The following PLXDC2 variants were observed in gnomAD, a reference collection of about 807,000 sequenced individuals.
The protein encoded by PLXDC2 is plexin domain-containing protein 2.
PLXDC2 carries 40 observed loss-of-function variants against 68.9 expected under a neutral mutation model. The ratio of observed to expected loss-of-function variants is 0.58; its 90% CI spans 0.45 to 0.76. The LOEUF is 0.76. PLXDC2 is among the 30% of genes least tolerant of loss of function. The pLI is 0.00. For missense variants in PLXDC2, 644 were observed against 661.9 expected, an observed-to-expected ratio of 0.97 and a Z score of 0.30; for synonymous variants, 243 against 234.2, an observed-to-expected ratio of 1.04 and a Z score of -0.34.
intron 13 of PLXDC2, among the ~76,000 whole-genome samples, chr10:20,246,889 G>A (rs547017324): frequency 6.6e-6 from 1 of 152,060 alleles, no homozygotes; most frequent in East Asian, 1.9e-4. Flanking sequence ...AATTACCTAT[G>A]CCACTTATAA....
rs138131268 is a variant in PLXDC2, at chr10:20,156,508, C to A, written c.784-7960C>A. ...ACTCAAAGTGTGCACCCTCCAATTT[C>A]TCCCTCATGAATTTCTTCTCTTACC... On this transcript the variant is annotated intron_variant, in intron 6 of 13. Transcript: ENST00000377252. Among the ~76,000 whole-genome samples the A allele has an allele frequency of 1.1e-3, 174 of 152,300 alleles. 2 individuals carry two copies. Among genetic ancestry groups the A allele is most frequent in the African/African-American group, 4.0e-3 (167 of 41,570 alleles).
intron 11 of PLXDC2, among the ~76,000 whole-genome samples, chr10:20,218,463 G>A (rs1036968037): frequency 2.6e-5 from 4 of 151,942 alleles, no homozygotes; most frequent in Admixed American, 6.6e-5. Flanking sequence ...TATTATTTTG[G>A]ATTATTATAT....
chr10:19,906,480 G>T (rs529268109), intron 1 of PLXDC2, among the ~76,000 whole-genome samples: 3 of 152,314 alleles, frequency 2.0e-5, no homozygotes, highest in East Asian at 3.9e-4. Context: ...AATACTTTTA[G>T]TGGATTCTGT....
intron 1 of PLXDC2, among the ~76,000 whole-genome samples, chr10:19,933,659 A>G: frequency 6.6e-6 from 1 of 151,754 alleles, no homozygotes; most frequent in Middle Eastern, 3.2e-3. Context: ...AACAACAAAC[A>G]AAACACACAC....
intron 1 of PLXDC2, among the ~76,000 whole-genome samples, chr10:19,859,697 T>C (rs777703046): frequency 8.5e-5 from 13 of 152,160 alleles, no homozygotes; most frequent in Non-Finnish European, 1.8e-4. Flanking sequence ...TTTTTAACTT[T>C]TTAAGATTCA....
chr10:20,077,548 T>C (rs769169161), intron 4 of PLXDC2, among the ~76,000 whole-genome samples: 1 of 152,154 alleles, frequency 6.6e-6, no homozygotes, highest in Non-Finnish European at 1.5e-5. Flanking sequence ...TACAGAGAGA[T>C]TTTCATTTAA....
At chr10:19,914,153 G>A (rs1306972806) in intron 1 of PLXDC2, among the ~76,000 whole-genome samples, 1 of 150,566 alleles carries the variant, frequency 6.6e-6, no homozygotes, top group East Asian at 1.9e-4. Context: ...AAGGAAGGAA[G>A]GAAGGAAAGA....
intron 1 of PLXDC2, among the ~76,000 whole-genome samples, chr10:19,938,716 A>T (rs1292829348): frequency 6.6e-6 from 1 of 152,204 alleles, no homozygotes; most frequent in African/African-American, 2.4e-5. Flanking sequence ...AGTTGTGGAT[A>T]GTCTTGAAAT....
chr10:20,206,596 A>C (rs1589680567), intron 9 of PLXDC2, among the ~76,000 whole-genome samples: 1 of 152,134 alleles, frequency 6.6e-6, no homozygotes, highest in South Asian at 2.1e-4. Context: ...CATGGGCTAC[A>C]GGAGTGAGCA....
At chr10:20,193,205 C>T (rs1431081710) in intron 9 of PLXDC2, among the ~76,000 whole-genome samples, 1 of 152,046 alleles carries the variant, frequency 6.6e-6, no homozygotes, top group Non-Finnish European at 1.5e-5. Context: ...TCTTGTGACA[C>T]AGACCATATG....
chr10:19,845,947 A>T (rs187356709), intron 1 of PLXDC2, among the ~76,000 whole-genome samples: 4 of 152,138 alleles, frequency 2.6e-5, no homozygotes, highest in Non-Finnish European at 4.4e-5. Flanking sequence ...TTAGTCTTCA[A>T]TCTGGTCCAG....
At chr10:20,269,284 C>T (rs1364078092) in intron 13 of PLXDC2, among the ~76,000 whole-genome samples, 2 of 149,618 alleles carry the variant, frequency 1.3e-5, no homozygotes, top group East Asian at 2.0e-4. Context: ...GCTTAGTATG[C>T]ATCTAAAGAC....
intron 1 of PLXDC2, among the ~76,000 whole-genome samples, chr10:19,933,880 G>A (rs549722159): frequency 4.7e-4 from 57 of 121,184 alleles, no homozygotes; most frequent in African/African-American, 1.4e-3. Flanking sequence ...GGGAGGGAGG[G>A]AAAAAAGGAA....
intron 1 of PLXDC2, among the ~76,000 whole-genome samples, chr10:19,967,061 CAGTT>C (rs1346315509): frequency 6.6e-6 from 1 of 152,200 alleles, no homozygotes; most frequent in African/African-American, 2.4e-5. Flanking sequence ...ATTTTATACT[CAGTT>C]GGAGCAGCCA....
At chr10:20,208,355 A>T (rs997354723) in intron 9 of PLXDC2, among the ~76,000 whole-genome samples, 1 of 152,140 alleles carries the variant, frequency 6.6e-6, no homozygotes, top group East Asian at 1.9e-4. Context: ...AAAAGGGGAA[A>T]CCCCATATAA....
chr10:20,027,872 T>G (rs957094837), intron 2 of PLXDC2, among the ~76,000 whole-genome samples: 1 of 152,148 alleles, frequency 6.6e-6, no homozygotes, highest in Non-Finnish European at 1.5e-5. Flanking sequence ...ACAGCCTACT[T>G]TACTGAGATT....
chr10:20,170,082 CA>C (rs1834426967), intron 7 of PLXDC2, among the ~76,000 whole-genome samples: 1 of 152,128 alleles, frequency 6.6e-6, no homozygotes, highest in Non-Finnish European at 1.5e-5. Context: ...ACTAGCAGAG[CA>C]AATATATTTT....
chr10:19,914,262 T>A (rs1428249332), intron 1 of PLXDC2, among the ~76,000 whole-genome samples: 1 of 152,104 alleles, frequency 6.6e-6, no homozygotes, highest in Non-Finnish European at 1.5e-5. Flanking sequence ...GTCTTATTAA[T>A]CTCTGTCATT....
rs1836141001 is a variant in PLXDC2, at chr10:20,285,463, A to C, written c.*5644A>C. 6.6e-6 allele frequency: 1 copy of C among 152,200 alleles called. No homozygotes were observed. 9.4% of individuals were successfully genotyped at this position (152,200 alleles called of 1,614,324 possible). A position where few individuals can be genotyped will look rare whatever the true frequency, so the allele number is the denominator to read the frequency against. On this transcript the variant is annotated 3_prime_UTR_variant, in exon 14 of 14. Transcript: ENST00000377252. ...TAGATAGGATCAACAATACTCTATCAATTTTCAACTCCAATTTTCTATTCT... is the reference window on the plus strand; with the variant it reads ...TAGATAGGATCAACAATACTCTATCCATTTTCAACTCCAATTTTCTATTCT...
Sources: allele counts gnomAD v4.1 joint callset (sites outside exome capture counted in the v4.1 genomes callset), GRCh38; gene constraint gnomAD v4.1.1; transcripts MANE v1.5; gene names NCBI Gene and HGNC (gene_info 2026-07-23, HGNC 2026-07-21).